Variants in ELMO1 observed in about 807,000 individuals in gnomAD.
ELMO1 encodes the protein engulfment and cell motility protein 1.
A neutral mutation model predicts 98.9 loss-of-function variants in ELMO1; 26 were observed. That is an observed-to-expected ratio of 0.26 (90% CI 0.19 to 0.36). The LOEUF is 0.36. ELMO1 is among the 10% of genes least tolerant of loss of function. The probability of loss-of-function intolerance (pLI) is 1.00; values close to 1 mark genes in which losing one functional copy is unlikely to be tolerated. For missense variants in ELMO1, 627 were observed against 935.2 expected, an observed-to-expected ratio of 0.67 and a Z score of 4.30; for synonymous variants, 346 against 346.0, an observed-to-expected ratio of 1.00 and a Z score of 0.00.
intron 13 of ELMO1, among the ~76,000 whole-genome samples, chr7:37,169,642 T>A (rs1258140647): frequency 6.6e-6 from 1 of 152,216 alleles, no homozygotes; most frequent in Non-Finnish European, 1.5e-5. Context: ...TTTCAAGCTT[T>A]TGCTTTTTCT....
At chr7:36,871,406 A>G (rs1414975022) in intron 19 of ELMO1, among the ~76,000 whole-genome samples, 1 of 152,226 alleles carries the variant, frequency 6.6e-6, no homozygotes, top group Non-Finnish European at 1.5e-5. Context: ...ATTAAAAACA[A>G]AAAGATCAAC....
chr7:37,425,275 G>A (rs1804652949), intron 1 of ELMO1, among the ~76,000 whole-genome samples: 1 of 152,198 alleles, frequency 6.6e-6, no homozygotes, highest in Admixed American at 6.5e-5. Context: ...GGCAGAAAGA[G>A]CAGCAGAGAG....
chr7:37,005,136 A>G (rs1279127550), intron 16 of ELMO1, among the ~76,000 whole-genome samples: 3 of 151,634 alleles, frequency 2.0e-5, no homozygotes, highest in Middle Eastern at 6.8e-3. Flanking sequence ...AAAAAAAGAA[A>G]AAAAGAAAAT....
At chr7:37,171,676 TGGAGAC>T (rs1484774598) in intron 13 of ELMO1, among the ~76,000 whole-genome samples, 2 of 151,820 alleles carry the variant, frequency 1.3e-5, no homozygotes, top group Non-Finnish European at 2.9e-5. Context: ...GTATTTTTAG[TGGAGAC>T]GGGGTTTCAC....
At chr7:37,167,529 G>A (rs1408549931) in intron 13 of ELMO1, among the ~76,000 whole-genome samples, 1 of 150,080 alleles carries the variant, frequency 6.7e-6, no homozygotes, top group East Asian at 1.9e-4. Flanking sequence ...TTTAGGGCAG[G>A]CCTGGTGGTG....
intron 15 of ELMO1, among the ~76,000 whole-genome samples, chr7:37,085,919 G>A (rs1783742087): frequency 6.6e-6 from 1 of 152,170 alleles, no homozygotes; most frequent in African/African-American, 2.4e-5. Context: ...ATAACCACTG[G>A]GATTTTAGGA....
chr7:37,162,068 G>T (rs1257806140), intron 13 of ELMO1, among the ~76,000 whole-genome samples: 2 of 149,960 alleles, frequency 1.3e-5, no homozygotes, highest in African/African-American at 4.9e-5. Context: ...AGAGAGATAA[G>T]AAAAAGTGCA....
At chr7:37,029,955 G>A (rs1170496481) in intron 15 of ELMO1, among the ~76,000 whole-genome samples, 2 of 152,044 alleles carry the variant, frequency 1.3e-5, no homozygotes, top group Non-Finnish European at 2.9e-5. Flanking sequence ...GACTTATAAT[G>A]ATAATCAACC....
chr7:37,402,137 G>C (rs1289106274), intron 1 of ELMO1, among the ~76,000 whole-genome samples: 1 of 152,026 alleles, frequency 6.6e-6, no homozygotes, highest in African/African-American at 2.4e-5. Context: ...TTTGTTATAG[G>C]GGCCTCAGTC....
At chr7:36,858,326 A>T (rs748507985) in intron 21 of ELMO1, among the ~76,000 whole-genome samples, 2 of 152,216 alleles carry the variant, frequency 1.3e-5, no homozygotes, top group Non-Finnish European at 2.9e-5. Context: ...GCTAATATCC[A>T]AGAAAGGGGA....
intron 1 of ELMO1, chr7:37,353,106 G>C (rs1801346938): frequency 6.6e-6 from 1 of 152,212 alleles, no homozygotes; most frequent in Non-Finnish European, 1.5e-5. Flanking sequence ...ACTAAATCAG[G>C]ATCATCCCCC....
intron 15 of ELMO1, among the ~76,000 whole-genome samples, chr7:37,073,780 G>A (rs1262286118): frequency 6.6e-6 from 1 of 151,778 alleles, no homozygotes; most frequent in South Asian, 2.1e-4. Flanking sequence ...TAGAGACAGG[G>A]TTTTGCTGTG....
intron 14 of ELMO1, among the ~76,000 whole-genome samples, chr7:37,108,180 G>A: frequency 6.6e-6 from 1 of 152,142 alleles, no homozygotes; most frequent in East Asian, 1.9e-4. Flanking sequence ...TTTAAATGGA[G>A]TTCATCTCAT....
intron 1 of ELMO1, among the ~76,000 whole-genome samples, chr7:37,345,556 C>G (rs1242761910): frequency 6.6e-6 from 1 of 151,934 alleles, no homozygotes; most frequent in Non-Finnish European, 1.5e-5. Flanking sequence ...CTAAAAAATA[C>G]AAAAATTAGC....
intron 16 of ELMO1, among the ~76,000 whole-genome samples, chr7:36,895,239 G>C (rs1584327767): frequency 6.6e-6 from 1 of 152,122 alleles, no homozygotes; most frequent in East Asian, 1.9e-4. Flanking sequence ...TGATAACAGG[G>C]AACTGGTGGG....
intron 19 of ELMO1, among the ~76,000 whole-genome samples, chr7:36,872,257 AGAG>A (rs1481694426): frequency 6.6e-6 from 1 of 152,206 alleles, no homozygotes. Flanking sequence ...ATGGATGGGC[AGAG>A]GAGGCTCAGG....
intron 16 of ELMO1, among the ~76,000 whole-genome samples, chr7:36,920,062 G>C (rs1291164851): frequency 6.6e-6 from 1 of 152,128 alleles, no homozygotes; most frequent in Non-Finnish European, 1.5e-5. Flanking sequence ...ACTTTCTTCT[G>C]CAAGGGCCAA....
At chr7:37,116,837 C>T (rs1014514629) in intron 14 of ELMO1, 3 of 166,962 alleles carry the variant, frequency 1.8e-5, no homozygotes, top group Admixed American at 6.2e-5. Flanking sequence ...TAGAAAAGTA[C>T]TACATGTGCC....
chr7:36,924,270 C>T (rs950547765), intron 16 of ELMO1, among the ~76,000 whole-genome samples: 1 of 152,140 alleles, frequency 6.6e-6, no homozygotes, highest in African/African-American at 2.4e-5. Flanking sequence ...TTTGGGGGTG[C>T]ACTGAAACTG....
Sources: allele counts gnomAD v4.1 joint callset (sites outside exome capture counted in the v4.1 genomes callset), GRCh38; gene constraint gnomAD v4.1.1; transcripts MANE v1.5; gene names NCBI Gene and HGNC (gene_info 2026-07-23, HGNC 2026-07-21).